Variants in WWOX observed in about 807,000 individuals in gnomAD.
WWOX encodes WW domain containing oxidoreductase, also known as WW domain-containing oxidoreductase.
In WWOX, 69 loss-of-function variants were observed where a neutral mutation model predicts 46.2. The observed-to-expected ratio is 1.49, with a 90% confidence interval of 1.23 to 1.82. The LOEUF is 1.82. Ranked by LOEUF, WWOX falls within the 40% of genes most tolerant of loss-of-function variation. WWOX has a pLI of 0.00. For synonymous variants in WWOX, 359 were observed against 202.6 expected (o/e 1.77, Z -6.56); for missense variants, 919 against 542.6 (o/e 1.69, Z -6.89).
At chr16:79,015,836 C>T (rs1480459296) in intron 8 of WWOX, among the ~76,000 whole-genome samples, 2 of 152,318 alleles carry the variant, frequency 1.3e-5, no homozygotes, top group East Asian at 3.9e-4. Flanking sequence ...ACTGCAACCC[C>T]CGCCTCCCGG....
chr16:78,620,867 C>G (rs1480970098), intron 8 of WWOX, among the ~76,000 whole-genome samples: 3 of 152,046 alleles, frequency 2.0e-5, no homozygotes, highest in African/African-American at 4.8e-5. Flanking sequence ...TTTTTCATGT[C>G]CAGGTCACTA....
chr16:78,145,451 A>G (rs988071777), intron 4 of WWOX, among the ~76,000 whole-genome samples: 5 of 152,170 alleles, frequency 3.3e-5, no homozygotes, highest in African/African-American at 1.2e-4. Flanking sequence ...GTTCCAGGGC[A>G]GGAAGGATCC....
At chr16:78,630,530 C>A (rs2046403628) in intron 8 of WWOX, among the ~76,000 whole-genome samples, 1 of 152,076 alleles carries the variant, frequency 6.6e-6, no homozygotes, top group African/African-American at 2.4e-5. Flanking sequence ...GTAGACAATA[C>A]TTCATATATA....
chr16:78,600,352 AG>A (rs997180334), intron 8 of WWOX, among the ~76,000 whole-genome samples: 1 of 152,032 alleles, frequency 6.6e-6, no homozygotes, highest in Non-Finnish European at 1.5e-5. Flanking sequence ...GCATAGCTGG[AG>A]GGGGGGCCCC....
intron 8 of WWOX, among the ~76,000 whole-genome samples, chr16:79,137,206 C>T (rs750047297): frequency 1.3e-5 from 2 of 152,194 alleles, no homozygotes; most frequent in Non-Finnish European, 2.9e-5. Flanking sequence ...TTTTATTATG[C>T]ATGCCATACC....
chr16:78,393,499 A>C (rs1373129830), intron 6 of WWOX, among the ~76,000 whole-genome samples: 2 of 152,200 alleles, frequency 1.3e-5, no homozygotes, highest in Non-Finnish European at 2.9e-5. Flanking sequence ...TCTCTATATT[A>C]CAAAATTTTT....
At chr16:79,192,035 C>A (rs959032790) in intron 8 of WWOX, among the ~76,000 whole-genome samples, 1 of 152,168 alleles carries the variant, frequency 6.6e-6, no homozygotes, top group Non-Finnish European at 1.5e-5. Flanking sequence ...CTGGGGCATT[C>A]GCGTTAGAGA....
chr16:78,573,954 T>C (rs1171774582), intron 8 of WWOX, among the ~76,000 whole-genome samples: 1 of 152,238 alleles, frequency 6.6e-6, no homozygotes, highest in Non-Finnish European at 1.5e-5. Flanking sequence ...TTCACAAAGT[T>C]GCAATCATAT....
At chr16:78,664,118 T>A (rs1168283654) in intron 8 of WWOX, among the ~76,000 whole-genome samples, 1 of 152,132 alleles carries the variant, frequency 6.6e-6, no homozygotes. Flanking sequence ...CTAAAGGATA[T>A]GCTGGGAGGT....
chr16:78,174,237 G>T (rs1029236742), intron 5 of WWOX, among the ~76,000 whole-genome samples: 1 of 152,208 alleles, frequency 6.6e-6, no homozygotes, highest in African/African-American at 2.4e-5. Context: ...CATGGTAGGA[G>T]GCGAAAGGCA....
At chr16:78,796,749 G>A (rs1175539477) in intron 8 of WWOX, among the ~76,000 whole-genome samples, 1 of 152,086 alleles carries the variant, frequency 6.6e-6, no homozygotes, top group African/African-American at 2.4e-5. Flanking sequence ...AGTTCCCAAC[G>A]GCCATCCAGC....
chr16:78,995,507 C>G (rs368065830), intron 8 of WWOX, among the ~76,000 whole-genome samples: 1 of 151,922 alleles, frequency 6.6e-6, no homozygotes, highest in East Asian at 1.9e-4. Context: ...GGAACCCAAG[C>G]TGGAACTTGG....
chr16:79,148,004 T>A (rs2050211355), intron 8 of WWOX, among the ~76,000 whole-genome samples: 2 of 152,224 alleles, frequency 1.3e-5, no homozygotes, highest in Non-Finnish European at 2.9e-5. Context: ...TTTGCAAATA[T>A]CTTCTCTCAA....
At chr16:78,297,746 A>C (rs1448214098) in intron 5 of WWOX, among the ~76,000 whole-genome samples, 1 of 152,202 alleles carries the variant, frequency 6.6e-6, no homozygotes, top group Admixed American at 6.5e-5. Context: ...GTGGAATACA[A>C]AAGTCATGAC....
chr16:78,750,973 A>G (rs1386617006), intron 8 of WWOX, among the ~76,000 whole-genome samples: 4 of 152,066 alleles, frequency 2.6e-5, no homozygotes, highest in Admixed American at 2.6e-4. Flanking sequence ...GTGTCTTTTT[A>G]GTAGAGTGAT....
At chr16:78,323,268 G>T (rs922573639) in intron 5 of WWOX, among the ~76,000 whole-genome samples, 12 of 151,974 alleles carry the variant, frequency 7.9e-5, no homozygotes, top group Non-Finnish European at 1.6e-4. Context: ...CACCATGCCC[G>T]GCTAATTTTT....
chr16:78,892,098 G>T (rs11639743), intron 8 of WWOX: 69,794 of 151,822 alleles, frequency 0.46, 16,037 homozygotes, highest in African/African-American at 0.5. Context: ...TCTGTTTCTC[G>T]CTAAACATTG....
chr16:79,129,348 C>A (rs1263948798), intron 8 of WWOX, among the ~76,000 whole-genome samples: 5 of 149,350 alleles, frequency 3.3e-5, no homozygotes, highest in Non-Finnish European at 7.4e-5. Flanking sequence ...CATAGTCACA[C>A]ACCTCTCAGT....
intron 5 of WWOX, among the ~76,000 whole-genome samples, chr16:78,243,782 A>C (rs982427056): frequency 2.6e-5 from 4 of 152,156 alleles, no homozygotes; most frequent in Non-Finnish European, 5.9e-5. Context: ...CCTGACCTCG[A>C]GTGATCTGCC....
Sources: gnomAD v4.1 joint callset for allele counts (sites outside exome capture counted in the v4.1 genomes callset) on GRCh38, gnomAD v4.1.1 for gene constraint, MANE v1.5 for transcripts, NCBI Gene and HGNC (gene_info 2026-07-23, HGNC 2026-07-21) for gene names.